The following EPHX1 variants were observed in gnomAD, a reference collection of about 807,000 sequenced individuals.
EPHX1 encodes the protein epoxide hydratase.
In EPHX1, 40 loss-of-function variants were observed where a neutral mutation model predicts 43.2. That is an observed-to-expected ratio of 0.93 (90% CI 0.72 to 1.21). The LOEUF (loss-of-function observed/expected upper bound fraction) is 1.21. Ranked by LOEUF, EPHX1 falls within the 50% of genes most tolerant of loss-of-function variation. The pLI, the probability that EPHX1 is intolerant of heterozygous loss-of-function variation, is 0.00. For missense variants in EPHX1, 550 were observed against 570.4 expected, an observed-to-expected ratio of 0.96 and a Z score of 0.36; for synonymous variants, 221 against 226.7, an observed-to-expected ratio of 0.98 and a Z score of 0.22.
Position 225,844,624 on chromosome 1 carries a change from G to T in EPHX1, c.1166+1G>T. 1 of 1,614,024 alleles carries T rather than the reference G, an allele frequency of 6.2e-7. No homozygotes were observed. Among genetic ancestry groups the T allele is most frequent in the East Asian group, 2.2e-5 (1 of 44,878 alleles). On this transcript the variant is annotated splice_donor_variant, in intron 8 of 8. Transcript: ENST00000272167. LOFTEE classifies it high-confidence loss of function. ...GCTGGATGACCCAGAAGCATGAGCGGTGAGCCTGGCTGAGCCGAGAACAGG... is the reference window on the plus strand; with the variant it reads ...GCTGGATGACCCAGAAGCATGAGCGTTGAGCCTGGCTGAGCCGAGAACAGG...
At chr1:225,816,770 C>T (rs1200270526) in intron 1 of EPHX1, among the ~76,000 whole-genome samples, 5 of 152,220 alleles carry the variant, frequency 3.3e-5, no homozygotes, top group African/African-American at 9.6e-5. Flanking sequence ...GGCTGGCAGG[C>T]AGCAGGGCCA....
At chr1:225,822,865 A>G (rs1667035854) in intron 1 of EPHX1, among the ~76,000 whole-genome samples, 1 of 152,170 alleles carries the variant, frequency 6.6e-6, no homozygotes, top group African/African-American at 2.4e-5. Context: ...CTGCCAGACC[A>G]CGGTGCCTGA....
At chr1:225,842,811 T>C (rs1668539765) in intron 7 of EPHX1, among the ~76,000 whole-genome samples, 1 of 152,178 alleles carries the variant, frequency 6.6e-6, no homozygotes, top group African/African-American at 2.4e-5. Context: ...TTCCTCCTGA[T>C]TCCCTGGAGA....
At chr1:225,824,684 G>T (rs1037165617) in intron 1 of EPHX1, among the ~76,000 whole-genome samples, 1 of 152,232 alleles carries the variant, frequency 6.6e-6, no homozygotes, top group African/African-American at 2.4e-5. Flanking sequence ...AAAGCAGACG[G>T]GGGGGTGTGG....
chr1:225,817,213 T>C lies in EPHX1; in HGVS notation c.-6+7044T>C, dbSNP rs1027585583. On this transcript the variant is annotated intron_variant, in intron 1 of 8. Coordinates refer to ENST00000272167, the MANE Select transcript of EPHX1 (RefSeq NM_001136018.4). This position sits in a 1 kb window ranked among gnomAD's most constrained non-coding sequence, Gnocchi z 5.7. ...AGGGGTCCCTGGGGTTCAGGGACAATGGCTGAGGGAGAAGCTGGGAGTTCC... is the reference window on the plus strand; with the variant it reads ...AGGGGTCCCTGGGGTTCAGGGACAACGGCTGAGGGAGAAGCTGGGAGTTCC... 3.3e-5 allele frequency among the ~76,000 whole-genome samples: 5 copies of C among 152,046 alleles called. No homozygotes were observed. Among genetic ancestry groups the C allele is most frequent in the African/African-American group, 1.2e-4 (5 of 41,412 alleles).
chr1:225,834,054 C>T (rs1461459143), intron 3 of EPHX1, among the ~76,000 whole-genome samples: 8 of 143,120 alleles, frequency 5.6e-5, no homozygotes, highest in African/African-American at 5.3e-5. Context: ...GCCCAGATTG[C>T]GCCACTGCAC....
intron 2 of EPHX1, among the ~76,000 whole-genome samples, chr1:225,830,546 C>T (rs1365396696): frequency 6.6e-6 from 1 of 152,182 alleles, no homozygotes; most frequent in Non-Finnish European, 1.5e-5. Context: ...CTCACTGCAA[C>T]CTCCGCCTCC....
chr1:225,838,883 T>A lies in EPHX1; in HGVS notation c.592+2T>A, dbSNP rs771730876. The A allele has an allele frequency of 1.4e-5, 23 of 1,613,748 alleles. No individual in the cohort carries two copies. Among genetic ancestry groups the A allele is most frequent in the Non-Finnish European group, 1.9e-5 (23 of 1,179,780 alleles). On this transcript the variant is annotated splice_donor_variant, in intron 4 of 8. Transcript: ENST00000272167. LOFTEE classifies it high-confidence loss of function. ...TCTCAGAGGCATCCTCCAAGAAGGG[T>A]ACGGGGCTGCTAGAGGTTCCATAAC...
intron 1 of EPHX1, among the ~76,000 whole-genome samples, chr1:225,812,083 G>A (rs1666508189): frequency 6.6e-6 from 1 of 152,184 alleles, no homozygotes; most frequent in Non-Finnish European, 1.5e-5. Context: ...CTGGGGTGCA[G>A]GTGCAAAGGC....
At chr1:225,827,792 A>G (rs982215531) in intron 1 of EPHX1, among the ~76,000 whole-genome samples, 5 of 152,244 alleles carry the variant, frequency 3.3e-5, no homozygotes, top group Admixed American at 3.3e-4. Flanking sequence ...ATTGTATGGT[A>G]TATGAATTAT....
intron 8 of EPHX1, among the ~76,000 whole-genome samples, 200 bp downstream of exon 8, chr1:225,844,823 G>A (rs186604328): frequency 7.9e-4 from 121 of 152,290 alleles, no homozygotes; most frequent in Non-Finnish European, 1.5e-3. Flanking sequence ...CCTGGCTCCC[G>A]GGCGGCCCTC....
At chr1:225,827,618 A>C (rs1348951313) in intron 1 of EPHX1, among the ~76,000 whole-genome samples, 3 of 152,214 alleles carry the variant, frequency 2.0e-5, no homozygotes, top group Admixed American at 2.0e-4. Flanking sequence ...AAAGTAGATT[A>C]GAGGCTGCTT....
intron 6 of EPHX1, 45 bp from the exon 7 acceptor site, chr1:225,842,321 G>A: frequency 7.1e-7 from 1 of 1,405,942 alleles, no homozygotes; most frequent in Non-Finnish European, 1.0e-6. Flanking sequence ...CCAGCTCTCT[G>A]GTCCCCAGGC....
intron 6 of EPHX1, among the ~76,000 whole-genome samples, chr1:225,841,470 G>GA (rs1559025939): frequency 6.6e-6 from 1 of 151,062 alleles, no homozygotes; most frequent in African/African-American, 2.4e-5. Flanking sequence ...TTTTAGTAGA[G>GA]ACGGGGTTTT....
intron 2 of EPHX1, 108 bp from the exon 3 acceptor site, chr1:225,831,671 G>A: frequency 9.2e-7 from 1 of 1,084,568 alleles, no homozygotes; most frequent in Admixed American, 1.8e-5. Context: ...CTCCCAGAGG[G>A]CAGTATCTTG....
chr1:225,822,144 C>T (rs920569107), intron 1 of EPHX1, among the ~76,000 whole-genome samples: 2 of 152,114 alleles, frequency 1.3e-5, no homozygotes, highest in Non-Finnish European at 2.9e-5. Flanking sequence ...TATGCAATCC[C>T]ATTTCTTACA....
At position 225,831,816 on chromosome 1, in the gene EPHX1, C is replaced by T; in HGVS notation, c.221C>T (p.Pro74Leu). 1 of 1,614,184 alleles carries T rather than the reference C, an allele frequency of 6.2e-7. No homozygotes were observed. The highest frequency in any genetic ancestry group is 1.3e-5 in the African/African-American group (1 of 75,042). The part of the protein sequence containing the change: ...HQRIDKFRFT[P>L]PLEDSCFHYG... ...AGGATCGATAAGTTCCGTTTCACCC[C>T]ACCTTTGGAGGACAGCTGCTTCCAC... The change falls in exon 3 of 9, where the codon CCA (proline) becomes CTA (leucine). Residue 74 changes from proline (P) to leucine (L), a missense_variant. Pro to Leu is a moderately conservative substitution (Grantham distance 98, BLOSUM62 -3). Coordinates refer to ENST00000272167, the MANE Select transcript of EPHX1 (RefSeq NM_001136018.4).
intron 1 of EPHX1, among the ~76,000 whole-genome samples, chr1:225,826,524 C>A (rs186571155): frequency 8.0e-5 from 12 of 150,302 alleles, no homozygotes; most frequent in Non-Finnish European, 1.6e-4. Flanking sequence ...ACGTGTCCCA[C>A]GTGTCTCCAG....
At chr1:225,814,345 G>A (rs1283523376) in intron 1 of EPHX1, among the ~76,000 whole-genome samples, 1 of 152,166 alleles carries the variant, frequency 6.6e-6, no homozygotes, top group East Asian at 1.9e-4. Context: ...ACCACCCTGG[G>A]CAACATAGCG....
Sources: allele counts gnomAD v4.1 joint callset (sites outside exome capture counted in the v4.1 genomes callset), GRCh38; gene constraint gnomAD v4.1.1; non-coding constraint Gnocchi (gnomAD v3.1); transcripts MANE v1.5; gene names NCBI Gene and HGNC (gene_info 2026-07-23, HGNC 2026-07-21).